The following TNR variants were observed in gnomAD, a reference collection of about 807,000 sequenced individuals.
TNR encodes tenascin R.
TNR carries 45 observed loss-of-function variants against 150.4 expected under a neutral mutation model. That is an observed-to-expected ratio of 0.30 (90% CI 0.24 to 0.38). The LOEUF (loss-of-function observed/expected upper bound fraction) is 0.38. TNR is among the 10% of genes least tolerant of loss of function. TNR has a pLI of 1.00. For synonymous variants in TNR, 687 were observed against 678.4 expected, an observed-to-expected ratio of 1.01 and a Z score of -0.20; for missense variants, 1,544 against 1,759.1, an observed-to-expected ratio of 0.88 and a Z score of 2.19.
chr1:175,352,782 TA>T lies in TNR; in HGVS notation c.3382+1608del, dbSNP rs966146791. On this transcript the variant is annotated intron_variant, in intron 18 of 22. Coordinates refer to ENST00000367674, the MANE Select transcript of TNR (RefSeq NM_003285.3). The stretch of plus-strand genomic sequence containing the variant: ...ATACTTTGTGATGTATTGAAAAGTG[TA>T]AAAAAAGAAGGGAGAAGAGGACTCG... 2.6e-5 allele frequency among the ~76,000 whole-genome samples: 4 copies of T among 152,248 alleles called. No homozygotes were observed. The East Asian group carries it at 7.7e-4, about 29-fold the overall frequency.
At chr1:175,688,584 T>C (rs962424872) in intron 1 of TNR, among the ~76,000 whole-genome samples, 1 of 152,234 alleles carries the variant, frequency 6.6e-6, no homozygotes, top group Non-Finnish European at 1.5e-5. Flanking sequence ...CAGAGGGCAG[T>C]GGGACCAGTT....
intron 6 of TNR, among the ~76,000 whole-genome samples, chr1:175,392,737 G>A (rs191470331): frequency 3.9e-5 from 6 of 152,114 alleles, no homozygotes; most frequent in African/African-American, 1.4e-4. Flanking sequence ...ACAGAGCCCC[G>A]GGATAGGTGG....
intron 2 of TNR, among the ~76,000 whole-genome samples, chr1:175,512,834 A>G (rs996306382): frequency 1.3e-5 from 2 of 152,168 alleles, no homozygotes; most frequent in African/African-American, 2.4e-5. Context: ...TTTGTTCTGC[A>G]AGATACCCAT....
In TNR at chr1:175,537,801, C is replaced by T. The variant is rs576621487; in HGVS notation, c.-164-9432G>A. 8.8e-4 allele frequency among the ~76,000 whole-genome samples: 134 copies of T among 152,296 alleles called. 1 individual carries two copies. Among genetic ancestry groups the T allele is most frequent in the Non-Finnish European group, 1.5e-3 (105 of 68,030 alleles). On this transcript the variant is annotated intron_variant, in intron 1 of 22. Transcript: ENST00000367674. ...AGATAGCACCTAAGTCCCTCTCCCT[C>T]GTCAGGGGCCAAGCCAGGCATCTGT...
chr1:175,516,319 G>T (rs1248083088), intron 2 of TNR, among the ~76,000 whole-genome samples: 5 of 152,166 alleles, frequency 3.3e-5, no homozygotes, highest in African/African-American at 9.7e-5. Context: ...AATGAGGCAA[G>T]GTCCTGGTTT....
intron 1 of TNR, among the ~76,000 whole-genome samples, chr1:175,571,128 C>G: frequency 6.6e-6 from 1 of 152,160 alleles, no homozygotes; most frequent in Middle Eastern, 3.4e-3. Context: ...CTGAACTAAA[C>G]ACCTTTGTCC....
At chr1:175,664,608 T>C (rs1347969499) in intron 1 of TNR, among the ~76,000 whole-genome samples, 1 of 152,248 alleles carries the variant, frequency 6.6e-6, no homozygotes, top group Non-Finnish European at 1.5e-5. Flanking sequence ...CTATTTTCTA[T>C]AATTGCAAAG....
chr1:175,375,460 T>C (rs1652329121), intron 9 of TNR, among the ~76,000 whole-genome samples: 1 of 149,688 alleles, frequency 6.7e-6, no homozygotes, highest in South Asian at 2.1e-4. Flanking sequence ...CTCTGGACAT[T>C]GCCTACAGAG....
At chr1:175,595,268 A>C (rs942643322) in intron 1 of TNR, among the ~76,000 whole-genome samples, 8 of 152,364 alleles carry the variant, frequency 5.3e-5, no homozygotes, top group African/African-American at 1.9e-4. Context: ...AAGAAGATAC[A>C]GACACAGCCT....
At chr1:175,552,220 G>C (rs1660973260) in intron 1 of TNR, among the ~76,000 whole-genome samples, 1 of 152,156 alleles carries the variant, frequency 6.6e-6, no homozygotes, top group African/African-American at 2.4e-5. Flanking sequence ...TTGATAATAA[G>C]AACACTCTCC....
intron 2 of TNR, among the ~76,000 whole-genome samples, chr1:175,474,517 G>A (rs1467364579): frequency 1.3e-5 from 2 of 152,208 alleles, no homozygotes; most frequent in Non-Finnish European, 1.5e-5. Context: ...AGCCACCTAA[G>A]CTGTGGCAAT....
chr1:175,709,791 A>C (rs1325610246), intron 1 of TNR, among the ~76,000 whole-genome samples: 1 of 151,780 alleles, frequency 6.6e-6, no homozygotes, highest in African/African-American at 2.4e-5. Flanking sequence ...TGAGCACCCT[A>C]CTGCTTCATT....
intron 1 of TNR, among the ~76,000 whole-genome samples, chr1:175,713,878 T>C (rs768935840): frequency 7.2e-5 from 11 of 152,212 alleles, no homozygotes; most frequent in Non-Finnish European, 1.0e-4. Context: ...GAAAGGAAGA[T>C]GAATTAAGAG....
chr1:175,338,880 CT>C (rs1275049926), intron 18 of TNR, among the ~76,000 whole-genome samples: 4 of 152,164 alleles, frequency 2.6e-5, no homozygotes, highest in Non-Finnish European at 5.9e-5. Flanking sequence ...GAAGGCCCCC[CT>C]GGAGATGTGT....
At chr1:175,570,349 C>T (rs1356503908) in intron 1 of TNR, among the ~76,000 whole-genome samples, 3 of 151,922 alleles carry the variant, frequency 2.0e-5, no homozygotes, top group East Asian at 1.9e-4. Context: ...AGTTGGGGTG[C>T]GGAGGAGAAA....
intron 1 of TNR, among the ~76,000 whole-genome samples, chr1:175,590,958 C>T (rs556622587): frequency 6.6e-6 from 1 of 152,286 alleles, no homozygotes; most frequent in African/African-American, 2.4e-5. Flanking sequence ...GAAAAACAAA[C>T]AATAAAACCA....
intron 1 of TNR, among the ~76,000 whole-genome samples, chr1:175,555,371 C>T (rs1271542633): frequency 6.6e-6 from 1 of 152,028 alleles, no homozygotes; most frequent in Non-Finnish European, 1.5e-5. Context: ...CAGGCTAGGC[C>T]CACACCTGGA....
intron 1 of TNR, among the ~76,000 whole-genome samples, chr1:175,608,041 C>T (rs1239774252): frequency 6.6e-6 from 1 of 152,218 alleles, no homozygotes; most frequent in African/African-American, 2.4e-5. Flanking sequence ...AGGCAAGGAG[C>T]TTTGCTGTCT....
chr1:175,468,344 T>C (rs1050298857), intron 2 of TNR, among the ~76,000 whole-genome samples: 1 of 152,234 alleles, frequency 6.6e-6, no homozygotes, highest in Non-Finnish European at 1.5e-5. Flanking sequence ...GGAGTGCCTG[T>C]GCAACTTAAT....
Sources: allele counts gnomAD v4.1 joint callset (sites outside exome capture counted in the v4.1 genomes callset), GRCh38; gene constraint gnomAD v4.1.1; transcripts MANE v1.5; gene names NCBI Gene and HGNC (gene_info 2026-07-23, HGNC 2026-07-21).